The following THSD7A variants were observed in gnomAD, a reference collection of about 807,000 sequenced individuals.
THSD7A encodes the protein thrombospondin type 1 domain containing 7A, also known as thrombospondin type-1 domain-containing protein 7A.
A neutral mutation model predicts 231.3 loss-of-function variants in THSD7A; 96 were observed. The ratio of observed to expected loss-of-function variants is 0.41; its 90% CI spans 0.35 to 0.49. The LOEUF is 0.49. THSD7A is among the 20% of genes least tolerant of loss of function. THSD7A has a pLI of 0.05. For missense variants in THSD7A, 2,290 were observed against 2,070.2 expected, an observed-to-expected ratio of 1.11 and a Z score of -2.06; for synonymous variants, 940 against 743.3, an observed-to-expected ratio of 1.26 and a Z score of -4.30.
chr7:11,613,788 G>C (rs1394509387), intron 2 of THSD7A, among the ~76,000 whole-genome samples: 1 of 152,174 alleles, frequency 6.6e-6, no homozygotes, highest in East Asian at 1.9e-4. Flanking sequence ...TTTTGTCCTA[G>C]AAGGGGTAGT....
At chr7:11,471,657 C>A (rs190155607) in intron 8 of THSD7A, among the ~76,000 whole-genome samples, 2 of 151,900 alleles carry the variant, frequency 1.3e-5, no homozygotes, top group Non-Finnish European at 2.9e-5. Flanking sequence ...ATTTATCTTG[C>A]GCTGGAATTT....
intron 26 of THSD7A, chr7:11,378,610 G>C (rs1448695332): frequency 6.1e-6 from 1 of 164,562 alleles, no homozygotes; most frequent in African/African-American, 2.4e-5. Context: ...AACTGGTCTA[G>C]CTACCACGTG....
At chr7:11,624,610 A>T (rs1465749227) in intron 2 of THSD7A, among the ~76,000 whole-genome samples, 1 of 152,094 alleles carries the variant, frequency 6.6e-6, no homozygotes, top group Non-Finnish European at 1.5e-5. Context: ...AATTACCTTA[A>T]TAAATATAGG....
rs1173333715 is a variant in THSD7A, at chr7:11,831,308, T to C, written c.190+449A>G. Among the ~76,000 whole-genome samples the C allele has an allele frequency of 1.3e-5, 2 of 152,214 alleles. No homozygotes were observed. Among genetic ancestry groups the C allele is most frequent in the African/African-American group, 4.8e-5 (2 of 41,456 alleles). ...CCTCACTTGGCTTGTTTCTGAGGTG[T>C]CCCACATATCACAAAGCTAAAGTTA... On this transcript the variant is annotated intron_variant, in intron 1 of 27. Transcript: ENST00000423059. The surrounding 1 kb of genome is among the most constrained non-coding windows in gnomAD (Gnocchi z 5.0).
chr7:11,601,431 C>T lies in THSD7A; in HGVS notation c.1023-7929G>A, dbSNP rs777400086. 2.4e-4 allele frequency among the ~76,000 whole-genome samples: 36 copies of T among 152,140 alleles called. 1 individual carries two copies. Among genetic ancestry groups the T allele is most frequent in the Admixed American group, 2.2e-3 (33 of 15,268 alleles). ...ACACTGTGAACACCTGGTAAGCAGT[C>T]GCAGCTTTGGGCTTCTCTGCATGTG... On this transcript the variant is annotated intron_variant, in intron 2 of 27. Transcript: ENST00000423059.
chr7:11,451,093 A>G (rs1785128644), intron 11 of THSD7A, among the ~76,000 whole-genome samples: 1 of 152,026 alleles, frequency 6.6e-6, no homozygotes, highest in Non-Finnish European at 1.5e-5. Flanking sequence ...ATCAACTTAA[A>G]CAAGCTTAGC....
chr7:11,804,114 AT>A (rs1034885621), intron 1 of THSD7A, among the ~76,000 whole-genome samples: 1 of 152,108 alleles, frequency 6.6e-6, no homozygotes, highest in Admixed American at 6.6e-5. Context: ...AGATTTAGTG[AT>A]TTTTACAACA....
chr7:11,562,384 T>G (rs2128330230), intron 4 of THSD7A, among the ~76,000 whole-genome samples: 1 of 152,316 alleles, frequency 6.6e-6, no homozygotes, highest in Non-Finnish European at 1.5e-5. Flanking sequence ...GATATACTGG[T>G]GCTCAAAGGT....
At chr7:11,456,073 A>T (rs1356674308) in intron 11 of THSD7A, among the ~76,000 whole-genome samples, 1 of 152,010 alleles carries the variant, frequency 6.6e-6, no homozygotes, top group Non-Finnish European at 1.5e-5. Flanking sequence ...TCAATATGGA[A>T]GGGTCCAGAC....
Position 11,748,492 on chromosome 7 carries a change from T to C in THSD7A, c.190+83265A>G, listed in dbSNP as rs894343989. Among the ~76,000 whole-genome samples, 4 of 152,116 alleles carry C rather than the reference T, an allele frequency of 2.6e-5. No individual in the cohort carries two copies. In the East Asian group the frequency reaches 7.8e-4, roughly 30 times the overall value. ...ACAAAAATTGTTAGTATTTAAATAA[T>C]GGAATATTTTAAAGATACATGTATA... On this transcript the variant is annotated intron_variant, in intron 1 of 27. Coordinates refer to ENST00000423059, the MANE Select transcript of THSD7A (RefSeq NM_015204.3).
At chr7:11,680,488 C>A (rs1464570812) in intron 1 of THSD7A, among the ~76,000 whole-genome samples, 1 of 152,108 alleles carries the variant, frequency 6.6e-6, no homozygotes, top group South Asian at 2.1e-4. Flanking sequence ...CTACAAGCAA[C>A]TTAAACAAAT....
chr7:11,724,161 A>G (rs1462154396), intron 1 of THSD7A, among the ~76,000 whole-genome samples: 1 of 151,996 alleles, frequency 6.6e-6, no homozygotes, highest in Non-Finnish European at 1.5e-5. Context: ...AGAGATCAAG[A>G]ATGTCATCAA....
In THSD7A at chr7:11,783,512, G is replaced by A. The variant is rs148136972; in HGVS notation, c.190+48245C>T. ...TTGGTCATCCCATTAAGGAGCAAGG[G>A]AGTTGAAGTATAATTTTATAGATCA... On this transcript the variant is annotated intron_variant, in intron 1 of 27. Coordinates refer to ENST00000423059, the MANE Select transcript of THSD7A (RefSeq NM_015204.3). Among the ~76,000 whole-genome samples the A allele has an allele frequency of 9.9e-5, 15 of 152,238 alleles. No individual in the cohort carries two copies. In the East Asian group the frequency reaches 2.9e-3, roughly 29 times the overall value.
At chr7:11,416,373 A>G (rs2115395300) in intron 17 of THSD7A, among the ~76,000 whole-genome samples, 1 of 152,320 alleles carries the variant, frequency 6.6e-6, no homozygotes, top group Admixed American at 6.5e-5. Flanking sequence ...ATGATATCTG[A>G]CAAAAAATCT....
intron 2 of THSD7A, among the ~76,000 whole-genome samples, chr7:11,594,552 G>T (rs1780288079): frequency 6.6e-6 from 1 of 152,090 alleles, no homozygotes; most frequent in South Asian, 2.1e-4. Context: ...CTGATTCATT[G>T]CTTGTGAAGG....
rs1239544421 is a variant in THSD7A at position 11,447,348 on chromosome 7, G to C, written c.2682C>G (p.Ala894=). ...ECLQYAGPVP[A]LTQACQIPCQ... ...AGGGGATCTGGCAGGCCTGGGTAAG[G>C]GCTGGCACAGGGCCTGCATACTGTA... The change falls in exon 12 of 28, where the codon GCC becomes GCG. Residue 894 remains alanine (A), a synonymous_variant. Transcript: ENST00000423059. 2.5e-6 allele frequency: 4 copies of C among 1,612,510 alleles called. No homozygotes were observed. In the East Asian group the frequency reaches 8.9e-5, roughly 36 times the overall value.
At chr7:11,705,290 G>A (rs1054692057) in intron 1 of THSD7A, among the ~76,000 whole-genome samples, 14 of 150,862 alleles carry the variant, frequency 9.3e-5, no homozygotes, top group African/African-American at 2.9e-4. Context: ...TAACTTAAAA[G>A]CAAGAGTAAG....
At chr7:11,682,549 A>G (rs1783909018) in intron 1 of THSD7A, among the ~76,000 whole-genome samples, 1 of 152,130 alleles carries the variant, frequency 6.6e-6, no homozygotes, top group Admixed American at 6.6e-5. Context: ...TAATGATAAA[A>G]GGATTTAATT....
intron 6 of THSD7A, among the ~76,000 whole-genome samples, chr7:11,498,629 C>T (rs1464216223): frequency 6.6e-6 from 1 of 152,156 alleles, no homozygotes. Flanking sequence ...TCAAAACATG[C>T]CCAGACTGCT....
Sources: gnomAD v4.1 joint callset for allele counts (sites outside exome capture counted in the v4.1 genomes callset) on GRCh38, gnomAD v4.1.1 for gene constraint, Gnocchi (gnomAD v3.1) non-coding constraint, MANE v1.5 for transcripts, NCBI Gene and HGNC (gene_info 2026-07-23, HGNC 2026-07-21) for gene names.